NCAM2: variants seen among roughly 807,000 people sequenced by gnomAD.
NCAM2 encodes N-CAM-2.
Under a neutral mutation model 98.1 loss-of-function variants are expected in NCAM2, and 30 were observed. That is an observed-to-expected ratio of 0.31 (90% CI 0.23 to 0.41). The LOEUF (loss-of-function observed/expected upper bound fraction) is 0.41, where lower values mean the gene tolerates loss of function less well. Among genes scored for constraint, NCAM2 ranks in the 10% least tolerant of loss-of-function variants. The pLI is 1.00. For synonymous variants in NCAM2, 368 were observed against 342.4 expected, an observed-to-expected ratio of 1.07 and a Z score of -0.83; for missense variants, 867 against 1,005.8, an observed-to-expected ratio of 0.86 and a Z score of 1.87.
At chr21:21,414,122 G>A (rs1268905044) in intron 10 of NCAM2, among the ~76,000 whole-genome samples, 1 of 152,126 alleles carries the variant, frequency 6.6e-6, no homozygotes, top group African/African-American at 2.4e-5. Context: ...TCCATGAAGA[G>A]CAATTTTCCC....
intron 12 of NCAM2, among the ~76,000 whole-genome samples, chr21:21,434,923 G>A (rs1314500096): frequency 6.6e-6 from 1 of 152,220 alleles, no homozygotes; most frequent in Non-Finnish European, 1.5e-5. Context: ...TTGGGCTGTC[G>A]CTGTCACCTG....
At chr21:21,385,917 CT>C (rs1032967637) in intron 9 of NCAM2, among the ~76,000 whole-genome samples, 15 of 151,298 alleles carry the variant, frequency 9.9e-5, no homozygotes, top group Admixed American at 4.6e-4. Context: ...TTTTCATTTA[CT>C]TTTTTTTTCT....
At chr21:21,440,221 C>T (rs891655593) in intron 12 of NCAM2, among the ~76,000 whole-genome samples, 4 of 151,866 alleles carry the variant, frequency 2.6e-5, no homozygotes, top group Admixed American at 2.6e-4. Flanking sequence ...AAGATGGTAC[C>T]AAAAGTATTC....
At chr21:21,384,328 A>G (rs1182364246) in intron 9 of NCAM2, among the ~76,000 whole-genome samples, 3 of 151,674 alleles carry the variant, frequency 2.0e-5, no homozygotes, top group Non-Finnish European at 4.4e-5. Flanking sequence ...GATCTAACCT[A>G]TGCTTGATGA....
At chr21:21,356,682 G>C (rs887736719) in intron 8 of NCAM2, among the ~76,000 whole-genome samples, 1 of 152,044 alleles carries the variant, frequency 6.6e-6, no homozygotes, top group Admixed American at 6.6e-5. Flanking sequence ...CTAGACACAA[G>C]GAGTGTAGCG....
chr21:21,116,972 CA>C (rs1399664328), intron 1 of NCAM2, among the ~76,000 whole-genome samples: 1 of 151,596 alleles, frequency 6.6e-6, no homozygotes, highest in African/African-American at 2.4e-5. Flanking sequence ...GGGAAAAAAA[CA>C]ATGTCACCAA....
At chr21:21,280,943 G>T (rs2072907666) in intron 2 of NCAM2, among the ~76,000 whole-genome samples, 1 of 151,766 alleles carries the variant, frequency 6.6e-6, no homozygotes, top group Admixed American at 6.6e-5. Context: ...ACCATGCCTG[G>T]CTAATTTTTG....
At chr21:21,512,660 T>C (rs1988462408) in intron 16 of NCAM2, among the ~76,000 whole-genome samples, 1 of 152,050 alleles carries the variant, frequency 6.6e-6, no homozygotes, top group Admixed American at 6.6e-5. Context: ...TTGCATTGAA[T>C]CTGTAGATTT....
At chr21:21,127,025 C>T (rs1032881322) in intron 1 of NCAM2, among the ~76,000 whole-genome samples, 1 of 151,974 alleles carries the variant, frequency 6.6e-6, no homozygotes, top group East Asian at 1.9e-4. Context: ...GATGCATATA[C>T]ATTTTACCAT....
chr21:21,229,096 T>A (rs1480051409), intron 1 of NCAM2, among the ~76,000 whole-genome samples: 1 of 151,536 alleles, frequency 6.6e-6, no homozygotes, highest in Non-Finnish European at 1.5e-5. Flanking sequence ...TCTTCCATTA[T>A]TTTCTCTACC....
chr21:21,061,403 A>G (rs1272215841), intron 1 of NCAM2, among the ~76,000 whole-genome samples: 1 of 152,170 alleles, frequency 6.6e-6, no homozygotes, highest in Non-Finnish European at 1.5e-5. Flanking sequence ...TTTAATGATA[A>G]TCACATAATT....
chr21:21,278,200 C>T (rs2072801528), intron 1 of NCAM2, among the ~76,000 whole-genome samples: 1 of 151,672 alleles, frequency 6.6e-6, no homozygotes, highest in African/African-American at 2.4e-5. Flanking sequence ...TTTTCTGCTT[C>T]TTTCCCTTCT....
At chr21:21,265,520 TACACACATATGTGTGTATG>T (rs2072232278) in intron 1 of NCAM2, among the ~76,000 whole-genome samples, 6 of 78,124 alleles carry the variant, frequency 7.7e-5, no homozygotes, top group Admixed American at 3.7e-4. Flanking sequence ...TATATACACA[TACACACATATGTGTGTATG>T]TATATATGTA....
At chr21:21,338,228 A>G (rs2074931349) in intron 7 of NCAM2, among the ~76,000 whole-genome samples, 161 bp from the exon 8 acceptor site, 1 of 152,062 alleles carries the variant, frequency 6.6e-6, no homozygotes. Context: ...GTGCTATTCA[A>G]CTGTCCTGGT....
chr21:21,286,547 A>G, intron 4 of NCAM2, 135 bp downstream of exon 4: 1 of 951,242 alleles, frequency 1.1e-6, no homozygotes, highest in Non-Finnish European at 1.5e-6. Flanking sequence ...GAGAACCTGT[A>G]AGCTCTACAT....
At chr21:21,023,954 A>G (rs1388622294) in intron 1 of NCAM2, among the ~76,000 whole-genome samples, 1 of 152,180 alleles carries the variant, frequency 6.6e-6, no homozygotes, top group Admixed American at 6.6e-5. Context: ...ACTCATTTCT[A>G]TTTGTCAAAT....
At position 21,335,616 on chromosome 21, in the gene NCAM2, C is replaced by A; in HGVS notation, c.849C>A (p.Ala283=). Residue 283 remains alanine (A), a synonymous_variant, in exon 7 of 18, where the codon GCC becomes GCA. Transcript: ENST00000400546. ...NSDGGPYVCR[A]TNKAGEDEKQ... ...ATGGTGGTCCTTATGTCTGCAGGGC[C>A]ACAAATAAGGCAGGAGAAGATGAAA... 6.2e-7 allele frequency: 1 copy of A among 1,610,130 alleles called. No homozygotes were observed. The highest frequency in any genetic ancestry group is 8.5e-7 in the Non-Finnish European group (1 of 1,178,078).
chr21:21,125,330 T>C (rs1490451177), intron 1 of NCAM2, among the ~76,000 whole-genome samples: 2 of 148,818 alleles, frequency 1.3e-5, no homozygotes, highest in Non-Finnish European at 3.0e-5. Flanking sequence ...GGAAACAGTT[T>C]TGAAATTTCA....
At chr21:21,458,229 C>T (rs748068723) in intron 12 of NCAM2, among the ~76,000 whole-genome samples, 11 of 152,230 alleles carry the variant, frequency 7.2e-5, no homozygotes, top group South Asian at 2.1e-4. Flanking sequence ...TCGGGTAGGA[C>T]ATGGTGGGTG....
Sources: gnomAD v4.1 joint callset for allele counts (sites outside exome capture counted in the v4.1 genomes callset) on GRCh38, gnomAD v4.1.1 for gene constraint, MANE v1.5 for transcripts, NCBI Gene and HGNC (gene_info 2026-07-23, HGNC 2026-07-21) for gene names.